Variants in PTPRD observed in about 807,000 individuals in gnomAD.
PTPRD encodes the protein receptor-type tyrosine-protein phosphatase delta.
PTPRD carries 34 observed loss-of-function variants against 214.5 expected under a neutral mutation model. The ratio of observed to expected loss-of-function variants is 0.16; its 90% CI spans 0.12 to 0.21. PTPRD has a LOEUF of 0.21. PTPRD is among the 10% of genes least tolerant of loss of function. The pLI, the probability that PTPRD is intolerant of heterozygous loss-of-function variation, is 1.00. For synonymous variants in PTPRD, 1,128 were observed against 845.7 expected (o/e 1.33, Z -5.79); for missense variants, 2,545 against 2,398.7 (o/e 1.06, Z -1.27).
intron 5 of PTPRD, among the ~76,000 whole-genome samples, chr9:9,885,857 G>A (rs1467580998): frequency 3.3e-5 from 5 of 151,420 alleles, no homozygotes; most frequent in Non-Finnish European, 7.4e-5. Flanking sequence ...AGCCACAACA[G>A]GTTAAAAAAA....
chr9:8,733,838 C>A lies in PTPRD; in HGVS notation c.6G>T (p.Val2=). The A allele has an allele frequency of 6.4e-7, 1 of 1,551,470 alleles. No homozygotes were observed. The highest frequency in any genetic ancestry group is 1.2e-5 in the South Asian group (1 of 84,064). ...GCAGCAGCAGCAGCCTGGCTACGTGCACCATCCTGCAGCTTGGCAGCAGCG... is the reference window on the plus strand; with the variant it reads ...GCAGCAGCAGCAGCCTGGCTACGTGAACCATCCTGCAGCTTGGCAGCAGCG... M[V]HVARLLLLLL... The change falls in exon 12 of 46, where the codon GTG becomes GTT. Residue 2 remains valine, a synonymous_variant. Transcript: ENST00000381196.
chr9:8,504,437 A>T (rs2097493345), intron 22 of PTPRD, 32 bp from the exon 23 acceptor site: 1 of 1,612,648 alleles, frequency 6.2e-7, no homozygotes, highest in Admixed American at 1.7e-5. Flanking sequence ...GGTCATCTTC[A>T]TTAAGGTTCA....
At chr9:8,440,321 T>A (rs905873560) in intron 34 of PTPRD, among the ~76,000 whole-genome samples, 9 of 35,142 alleles carry the variant, frequency 2.6e-4, no homozygotes, top group African/African-American at 9.7e-4. Context: ...AATGTATTAT[T>A]TTTTTTTTTT....
intron 7 of PTPRD, among the ~76,000 whole-genome samples, chr9:9,708,709 C>T (rs753278912): frequency 2.0e-5 from 3 of 151,824 alleles, no homozygotes; most frequent in Non-Finnish European, 2.9e-5. Flanking sequence ...AGTCTATACC[C>T]GTCAGATAAC....
At chr9:10,147,309 GT>G (rs1456926755) in intron 3 of PTPRD, among the ~76,000 whole-genome samples, 2 of 151,816 alleles carry the variant, frequency 1.3e-5, no homozygotes, top group Non-Finnish European at 2.9e-5. Context: ...ACATGTGCAC[GT>G]TGTGCTGGTT....
intron 12 of PTPRD, among the ~76,000 whole-genome samples, chr9:8,698,210 A>G (rs2097971402): frequency 6.6e-6 from 1 of 152,256 alleles, no homozygotes; most frequent in South Asian, 2.1e-4. Context: ...CTGAATGCAT[A>G]CTTATGCACT....
intron 5 of PTPRD, among the ~76,000 whole-genome samples, chr9:9,916,097 A>G (rs202081273): frequency 7.5e-6 from 1 of 134,122 alleles, no homozygotes; most frequent in African/African-American, 2.6e-5. Context: ...AAAAAAACAA[A>G]AAACTGTCAG....
intron 3 of PTPRD, among the ~76,000 whole-genome samples, chr9:10,146,504 G>C (rs1030231270): frequency 6.6e-6 from 1 of 152,022 alleles, no homozygotes. Flanking sequence ...TGACCTCAGG[G>C]AATAAGAATG....
intron 12 of PTPRD, among the ~76,000 whole-genome samples, chr9:8,688,830 C>G (rs1305738669): frequency 6.6e-6 from 1 of 152,132 alleles, no homozygotes; most frequent in Non-Finnish European, 1.5e-5. Context: ...ATTTTCTCAT[C>G]CATGAAAAAC....
chr9:9,271,932 T>G (rs762234164), intron 9 of PTPRD, among the ~76,000 whole-genome samples: 4 of 151,372 alleles, frequency 2.6e-5, no homozygotes, highest in Non-Finnish European at 5.9e-5. Flanking sequence ...GAAACTTCAT[T>G]GTTTATAGAG....
intron 3 of PTPRD, among the ~76,000 whole-genome samples, chr9:10,054,274 G>T (rs2097582749): frequency 6.6e-6 from 1 of 152,258 alleles, no homozygotes; most frequent in African/African-American, 2.4e-5. Context: ...TATAATATCT[G>T]TAATTTGAAG....
intron 9 of PTPRD, among the ~76,000 whole-genome samples, chr9:9,225,402 C>T (rs184597395): frequency 6.6e-6 from 1 of 152,068 alleles, no homozygotes; most frequent in Non-Finnish European, 1.5e-5. Flanking sequence ...ATATAGAGCA[C>T]CTCTTACAAG....
intron 3 of PTPRD, among the ~76,000 whole-genome samples, chr9:10,267,326 AG>A (rs1487094147): frequency 6.6e-6 from 1 of 152,230 alleles, no homozygotes; most frequent in African/African-American, 2.4e-5. Context: ...TTAGTATCTC[AG>A]GAACACTAGC....
At chr9:8,393,935 G>C (rs1320874523) in intron 36 of PTPRD, among the ~76,000 whole-genome samples, 1 of 151,982 alleles carries the variant, frequency 6.6e-6, no homozygotes, top group African/African-American at 2.4e-5. Context: ...ACTAAACCTG[G>C]CTGTTAATGC....
intron 3 of PTPRD, among the ~76,000 whole-genome samples, chr9:10,095,169 C>T (rs2098470904): frequency 6.6e-6 from 1 of 151,276 alleles, no homozygotes; most frequent in African/African-American, 2.4e-5. Context: ...AATGATACCT[C>T]AAATAGTAGA....
At position 8,499,672 on chromosome 9, in the gene PTPRD, T is replaced by C. The variant is rs1288683290; in HGVS notation, c.2297A>G (p.Lys766Arg). The change falls in exon 25 of 46, where the codon AAA (lysine) becomes AGA (arginine). Residue 766 changes from lysine (K) to arginine (R), a missense_variant. Coordinates refer to ENST00000381196, the MANE Select transcript of PTPRD (RefSeq NM_002839.4). ...CTGTGCATCAGCCAGCATGACATCT[T>C]TCAGCATGGGCTGGCCCTTGGGCTC... ...NGEPKGQPML[K>R]DVMLADAQWE... The C allele has an allele frequency of 6.2e-7, 1 of 1,613,692 alleles. No homozygotes were observed. The highest frequency in any genetic ancestry group is 1.1e-5 in the South Asian group (1 of 90,946).
intron 3 of PTPRD, among the ~76,000 whole-genome samples, chr9:10,284,481 A>T (rs1163862916): frequency 5.9e-5 from 9 of 152,236 alleles, no homozygotes; most frequent in Admixed American, 5.9e-4. Flanking sequence ...TATTTGGGAA[A>T]CATTCTATCT....
intron 12 of PTPRD, among the ~76,000 whole-genome samples, chr9:8,707,965 G>C (rs771089083): frequency 6.6e-6 from 1 of 152,018 alleles, no homozygotes. Flanking sequence ...GCTTTTAGGG[G>C]AACTTCAAAC....
chr9:9,928,334 A>G (rs551521514), intron 5 of PTPRD, among the ~76,000 whole-genome samples: 30 of 152,290 alleles, frequency 2.0e-4, no homozygotes, highest in African/African-American at 6.5e-4. Flanking sequence ...ATTTCATAAA[A>G]GGAAGATGCT....
Sources: gnomAD v4.1 joint callset for allele counts (sites outside exome capture counted in the v4.1 genomes callset) on GRCh38, gnomAD v4.1.1 for gene constraint, MANE v1.5 for transcripts, NCBI Gene and HGNC (gene_info 2026-07-23, HGNC 2026-07-21) for gene names.